UNC79: variants seen among roughly 807,000 people sequenced by gnomAD.
UNC79 encodes the protein unc-79 subunit of NALCN channel complex.
A neutral mutation model predicts 283.1 loss-of-function variants in UNC79; 37 were observed. The observed-to-expected ratio is 0.13, with a 90% CI of 0.10 to 0.17. The LOEUF (loss-of-function observed/expected upper bound fraction) is 0.17. Among genes scored for constraint, UNC79 ranks in the 10% least tolerant of loss-of-function variants. The pLI, the probability that UNC79 is intolerant of heterozygous loss-of-function variation, is 1.00. For missense variants in UNC79, 2,272 were observed against 3,211.1 expected (o/e 0.71, Z 7.07); for synonymous variants, 1,107 against 1,200.2 (o/e 0.92, Z 1.61).
intron 1 of UNC79, among the ~76,000 whole-genome samples, chr14:93,448,081 G>A (rs761974930): frequency 2.6e-5 from 4 of 151,184 alleles, no homozygotes; most frequent in South Asian, 2.1e-4. Flanking sequence ...TCTCAGCCCC[G>A]TTCTTTTTGT....
rs1277669969 is a variant in UNC79 at position 93,385,777 on chromosome 14, CA to C, written c.-351+52270del. On this transcript the variant is annotated intron_variant, in intron 1 of 49. Coordinates refer to the UNC79 transcript ENST00000256339. ...CTGGGTGATGGAGCAAGACTGTCCC[CA>C]AAAAAAAAAAAAAAAGATACTATTG... Among the ~76,000 whole-genome samples, 180 of 143,270 alleles carry C rather than the reference CA, an allele frequency of 1.3e-3. 1 individual carries two copies. Among genetic ancestry groups the C allele is most frequent in the South Asian group, 9.9e-3 (44 of 4,462 alleles). 94.0% of individuals were successfully genotyped at this position (143,270 alleles called of 152,430 possible). A position where few individuals can be genotyped will look rare whatever the true frequency, so the allele number is the denominator to read the frequency against.
chr14:93,351,980 T>C (rs2053987527), intron 1 of UNC79, among the ~76,000 whole-genome samples: 1 of 152,228 alleles, frequency 6.6e-6, no homozygotes. Context: ...ACCTAAATGG[T>C]ATTTGACCAG....
At chr14:93,581,139 C>A (rs1192180324) in intron 19 of UNC79, among the ~76,000 whole-genome samples, 1 of 151,994 alleles carries the variant, frequency 6.6e-6, no homozygotes, top group Non-Finnish European at 1.5e-5. Flanking sequence ...CCTGGACAAC[C>A]AGTATTTGTG....
At chr14:93,342,751 C>G (rs932686271) in intron 1 of UNC79, among the ~76,000 whole-genome samples, 1 of 152,250 alleles carries the variant, frequency 6.6e-6, no homozygotes, top group Non-Finnish European at 1.5e-5. Context: ...TAGGTCACAT[C>G]TTGAATGCTT....
rs200922237 is a variant in UNC79, at chr14:93,512,197, C to T, written c.899-11781C>T. ...CCATTGTAATTAGTGAACATTGCTT[C>T]TCTCATTTAACTCTTTAAACGTATC... On this transcript the variant is annotated intron_variant, in intron 7 of 48. Transcript: ENST00000555664. Among the ~76,000 whole-genome samples the T allele has an allele frequency of 5.9e-5, 9 of 152,068 alleles. No individual in the cohort carries two copies. In the East Asian group the frequency reaches 1.7e-3, roughly 29 times the overall value.
chr14:93,583,008 A>G (rs748977904), intron 20 of UNC79, among the ~76,000 whole-genome samples: 2 of 152,152 alleles, frequency 1.3e-5, no homozygotes, highest in African/African-American at 4.8e-5. Flanking sequence ...TCCTGCATCC[A>G]TGATCCGGAA....
intron 14 of UNC79, among the ~76,000 whole-genome samples, chr14:93,560,248 T>G (rs1379739276): frequency 6.6e-6 from 1 of 152,198 alleles, no homozygotes; most frequent in Non-Finnish European, 1.5e-5. Flanking sequence ...CTTGCTTGGT[T>G]GGTGAGTTTT....
chr14:93,548,066 T>C (rs2061691127), intron 14 of UNC79, among the ~76,000 whole-genome samples: 1 of 151,602 alleles, frequency 6.6e-6, no homozygotes, highest in Non-Finnish European at 1.5e-5. Context: ...AGACACAGAG[T>C]CTTTGTTTCT....
intron 1 of UNC79, among the ~76,000 whole-genome samples, chr14:93,397,722 C>G (rs890116476): frequency 6.6e-6 from 1 of 151,638 alleles, no homozygotes; most frequent in Admixed American, 6.6e-5. Flanking sequence ...GAGAGTGTCC[C>G]CTAATTCCAT....
intron 47 of UNC79, among the ~76,000 whole-genome samples, chr14:93,699,265 C>T (rs550136386): frequency 6.6e-6 from 1 of 152,102 alleles, no homozygotes; most frequent in African/African-American, 2.4e-5. Flanking sequence ...GTCTCCTGTC[C>T]TCTCTTTTTG....
intron 1 of UNC79, among the ~76,000 whole-genome samples, chr14:93,448,484 G>T (rs2056533813): frequency 6.6e-6 from 1 of 152,102 alleles, no homozygotes; most frequent in Non-Finnish European, 1.5e-5. Context: ...TTGTCTGTTA[G>T]TTCCAGCATC....
chr14:93,436,498 A>G lies in UNC79; in HGVS notation c.22+5447A>G, dbSNP rs1220188137. On this transcript the variant is annotated intron_variant, in intron 1 of 48. Transcript: ENST00000555664. ...CACAGCCAACTGTTTTTTTTTTAAG[A>G]TAAAGTGGCAATATATCTAAAGTCA... is the stretch of plus-strand genomic sequence containing the variant. 5.9e-5 allele frequency among the ~76,000 whole-genome samples: 9 copies of G among 151,870 alleles called. No individual in the cohort carries two copies. In the East Asian group the frequency reaches 1.7e-3, roughly 29 times the overall value.
At chr14:93,570,898 C>T (rs928735462) in intron 14 of UNC79, among the ~76,000 whole-genome samples, 1 of 152,184 alleles carries the variant, frequency 6.6e-6, no homozygotes, top group Admixed American at 6.5e-5. Flanking sequence ...CAAAAAACTT[C>T]AGTAATGATA....
chr14:93,664,957 A>G (rs1193806397), intron 40 of UNC79, among the ~76,000 whole-genome samples: 3 of 151,952 alleles, frequency 2.0e-5, no homozygotes, highest in Non-Finnish European at 4.4e-5. Flanking sequence ...GATACAACCC[A>G]CCTTGTGATA....
intron 35 of UNC79, among the ~76,000 whole-genome samples, chr14:93,653,382 C>T (rs981236645): frequency 6.6e-6 from 1 of 151,672 alleles, no homozygotes; most frequent in African/African-American, 2.4e-5. Flanking sequence ...TAGCCAGTGA[C>T]ACTTTCCTGG....
At position 93,631,691 on chromosome 14, in the gene UNC79, AT is replaced by A. The variant is rs997895068; in HGVS notation, c.5716+784del. ...GCTATTTAATAATTTTCATTTGACC[AT>A]CTTTTGATGATCCTGAAAAAACAGA... On this transcript the variant is annotated intron_variant, in intron 31 of 48. Coordinates refer to ENST00000555664, the Ensembl canonical transcript of UNC79. Among the ~76,000 whole-genome samples the A allele has an allele frequency of 7.9e-5, 12 of 152,346 alleles. No individual in the cohort carries two copies. In the East Asian group the frequency reaches 1.9e-3, roughly 24 times the overall value.
chr14:93,626,822 G>A (rs528666730), intron 30 of UNC79, among the ~76,000 whole-genome samples: 2 of 152,080 alleles, frequency 1.3e-5, no homozygotes, highest in Admixed American at 6.6e-5. Context: ...AGAGACAAAC[G>A]TTAGTATAGA....
intron 1 of UNC79, among the ~76,000 whole-genome samples, chr14:93,364,849 A>G (rs2054297261): frequency 6.6e-6 from 1 of 152,058 alleles, no homozygotes; most frequent in Non-Finnish European, 1.5e-5. Flanking sequence ...TTACAACTAT[A>G]ATAGGTGCCA....
chr14:93,567,354 T>C (rs1249047334), intron 14 of UNC79, among the ~76,000 whole-genome samples: 4 of 152,230 alleles, frequency 2.6e-5, no homozygotes, highest in Non-Finnish European at 5.9e-5. Context: ...GCTTCCCAAG[T>C]AGCTGGGATT....
Sources: gnomAD v4.1 joint callset for allele counts (sites outside exome capture counted in the v4.1 genomes callset) on GRCh38, gnomAD v4.1.1 for gene constraint, MANE v1.5 for transcripts, NCBI Gene and HGNC (gene_info 2026-07-23, HGNC 2026-07-21) for gene names.